Variants in SCAF1 observed in about 807,000 individuals in gnomAD.
The protein encoded by SCAF1 is SR-related CTD associated factor 1.
In SCAF1, 28 loss-of-function variants were observed where a neutral mutation model predicts 91.2. The ratio of observed to expected loss-of-function variants is 0.31; its 90% CI spans 0.23 to 0.42. SCAF1 has a LOEUF of 0.42. Among genes scored for constraint, SCAF1 ranks in the 10% least tolerant of loss-of-function variants. The pLI is 1.00. For synonymous variants in SCAF1, 1,036 were observed against 833.7 expected, an observed-to-expected ratio of 1.24 and a Z score of -4.18; for missense variants, 1,893 against 1,872.1, an observed-to-expected ratio of 1.01 and a Z score of -0.21.
Position 49,652,335 on chromosome 19 carries a change from C to G in SCAF1, c.1946C>G (p.Ser649Cys), listed in dbSNP as rs1244812160. The G allele has an allele frequency of 6.5e-7, 1 of 1,536,872 alleles. No homozygotes were observed. The highest frequency in any genetic ancestry group is 2.0e-5 in the Admixed American group (1 of 49,662). Reference sequence around the variant, plus strand: ...AAGAAGAAGAAGAAGCGGTCGCGGTCCCGGGGTGAGAAGCGGTCTGGGGAT... The same window carrying G: ...AAGAAGAAGAAGAAGCGGTCGCGGTGCCGGGGTGAGAAGCGGTCTGGGGAT... ...GSKKKKKRSR[S>C]RGEKRSGDGS... is the part of the protein sequence containing the mutation. Residue 649 changes from serine (S) to cysteine (C), a missense_variant, in exon 7 of 11, where the codon TCC becomes TGC. Around this residue, in one of 5 missense-constraint regions of SCAF1, gnomAD observed 1,436 missense variants for 1,306.8 expected, o/e 1.10. Coordinates refer to ENST00000360565, the MANE Select transcript of SCAF1 (RefSeq NM_021228.3).
chr19:49,647,712 A>C (rs575645267), intron 6 of SCAF1, among the ~76,000 whole-genome samples: 23 of 149,836 alleles, frequency 1.5e-4, no homozygotes, highest in African/African-American at 4.9e-4. Flanking sequence ...GCTCACTGCA[A>C]CCTCCACTTC....
chr19:49,646,193 C>T lies in SCAF1; in HGVS notation c.252C>T (p.Asp84=), dbSNP rs1214658409. Residue 84 remains aspartate (D), a synonymous_variant, in exon 4 of 11, where the codon GAC becomes GAT. Transcript: ENST00000360565. This position sits in a 1 kb window ranked among gnomAD's most constrained non-coding sequence, Gnocchi z 5.6. ...GTTCCCAGGAATCAGGGGGCACTGA[C>T]ACGGCTACTGTGAGTAAGAAGAGGG... ...EPRSQESGGT[D]TATVLDMATD... 13 of 1,606,928 alleles carry T rather than the reference C, an allele frequency of 8.1e-6. No homozygotes were observed. The highest frequency in any genetic ancestry group is 1.1e-5 in the Non-Finnish European group (13 of 1,179,330).
In SCAF1 at chr19:49,645,080, G is replaced by A. The variant is rs1568440093; in HGVS notation, c.54G>A (p.Arg18=). The part of the protein sequence containing the change: ...RGKTEESGED[R]GDGPPDRDPT... ...AGACAGAGGAGTCGGGGGAGGATCG[G>A]GGCGATGGTCCGCCAGACAGAGACC... The change falls in exon 2 of 11, where the codon CGG becomes CGA. Residue 18 remains arginine, a synonymous_variant. Coordinates refer to ENST00000360565, the MANE Select transcript of SCAF1 (RefSeq NM_021228.3). The surrounding 1 kb of genome is among the most constrained non-coding windows in gnomAD (Gnocchi z 4.6). The A allele has an allele frequency of 6.2e-7, 1 of 1,614,166 alleles. No homozygotes were observed. The highest frequency in any genetic ancestry group is 1.7e-5 in the Admixed American group (1 of 60,018).
Position 49,646,355 on chromosome 19 carries a change from T to A in SCAF1, c.261+153T>A. 1.2e-6 allele frequency: 1 copy of A among 862,260 alleles called. No homozygotes were observed. Among genetic ancestry groups the A allele is most frequent in the Non-Finnish European group, 1.8e-6 (1 of 558,322 alleles). The allele number at this position is 862,260 out of a possible 1,614,324, so 53.4% of individuals were successfully genotyped here. Reference sequence around the variant, plus strand: ...TGTTGGAGAGTCTGGGGGCCTGATCTGTGGGCCTGAGCTTTGAGTGTTGAT... The same window carrying A: ...TGTTGGAGAGTCTGGGGGCCTGATCAGTGGGCCTGAGCTTTGAGTGTTGAT... On this transcript the variant is annotated intron_variant, in intron 4 of 10. Transcript: ENST00000360565. The surrounding 1 kb of genome is among the most constrained non-coding windows in gnomAD (Gnocchi z 5.6).
In SCAF1 at chr19:49,652,795, G is replaced by A; in HGVS notation, c.2406G>A (p.Ala802=). 3 of 1,613,434 alleles carry A rather than the reference G, an allele frequency of 1.9e-6. No homozygotes were observed. Among genetic ancestry groups the A allele is most frequent in the Non-Finnish European group, 2.5e-6 (3 of 1,179,856 alleles). Residue 802 remains alanine (A), a synonymous_variant, in exon 7 of 11, where the codon GCG becomes GCA. Coordinates refer to ENST00000360565, the MANE Select transcript of SCAF1 (RefSeq NM_021228.3). ...SKKARPPKES[A]PSSGPPPKPP... is the part of the protein sequence containing the mutation. ...AGGCCCGGCCCCCCAAGGAGTCGGC[G>A]CCTTCCTCAGGGCCCCCGCCAAAGC...
At position 49,645,675 on chromosome 19, in the gene SCAF1, G is replaced by T. The variant is rs1022695568; in HGVS notation, c.166+264G>T. Among the ~76,000 whole-genome samples the T allele has an allele frequency of 1.3e-5, 2 of 152,190 alleles. No homozygotes were observed. The highest frequency in any genetic ancestry group is 1.3e-4 in the Admixed American group (2 of 15,282). On this transcript the variant is annotated intron_variant, in intron 3 of 10. Transcript: ENST00000360565. The surrounding 1 kb of genome is among the most constrained non-coding windows in gnomAD (Gnocchi z 4.6). ...GGTCAGGGCACCTTCCCCGAGCAGG[G>T]ACAGTGAACGGCTCTCTAAGGACCT...
rs981254011 is a variant in SCAF1, at chr19:49,653,266, G to T, written c.2877G>T (p.Ala959=). 21 of 1,481,672 alleles carry T rather than the reference G, an allele frequency of 1.4e-5. No homozygotes were observed. Among genetic ancestry groups the T allele is most frequent in the Non-Finnish European group, 1.9e-5 (21 of 1,114,622 alleles). The allele number at this position is 1,481,672 out of a possible 1,614,324, so 91.8% of individuals were successfully genotyped here. The change falls in exon 7 of 11, where the codon GCG becomes GCT. Residue 959 remains alanine (A), a synonymous_variant. Coordinates refer to ENST00000360565, the MANE Select transcript of SCAF1 (RefSeq NM_021228.3). ...SCSQAAGTKG[A]EETSWSGEER... ...GCCAGGCGGCAGGCACCAAGGGGGC[G>T]GAGGAGACTTCCTGGTCCGGGGAGG...
chr19:49,654,456 C>G, intron 8 of SCAF1, 25 bp downstream of exon 8: 1 of 1,602,216 alleles, frequency 6.2e-7, no homozygotes, highest in Non-Finnish European at 8.5e-7. Context: ...GGGAGAGTCC[C>G]TGCCGCCCCT....
intron 9 of SCAF1, 31 bp downstream of exon 9, chr19:49,654,901 G>A (rs2081129945): frequency 2.7e-6 from 4 of 1,493,062 alleles, no homozygotes; most frequent in Non-Finnish European, 1.8e-6. Context: ...GTGGGGCGGT[G>A]CTGACAGTTC....
In SCAF1 at chr19:49,657,907, G is replaced by C; in HGVS notation, c.3747+18G>C. 1 of 1,609,542 alleles carries C rather than the reference G, an allele frequency of 6.2e-7. No homozygotes were observed. Among genetic ancestry groups the C allele is most frequent in the South Asian group, 1.1e-5 (1 of 90,224 alleles). ...TCCACAAGGTGGGCACCCGGAGAGA[G>C]GGGCAGACACAGGCCGGGGAGAGAA... On this transcript the variant is annotated intron_variant, in intron 10 of 10. Transcript: ENST00000360565.
In SCAF1 at chr19:49,645,308, C is replaced by T; in HGVS notation, c.109-46C>T. On this transcript the variant is annotated intron_variant, in intron 2 of 10. Transcript: ENST00000360565. The surrounding 1 kb of genome is among the most constrained non-coding windows in gnomAD (Gnocchi z 4.6). The stretch of plus-strand genomic sequence containing the variant: ...CTCCCAAGGGGCAGAGGTTGCAAAG[C>T]ATCTGCCTGGGTCCTCTGACGCTTG... The T allele has an allele frequency of 6.2e-7, 1 of 1,606,418 alleles. No individual in the cohort carries two copies.
intron 1 of SCAF1, among the ~76,000 whole-genome samples, chr19:49,643,737 A>G (rs1288902759): frequency 2.0e-5 from 3 of 152,212 alleles, no homozygotes; most frequent in Non-Finnish European, 4.4e-5. Context: ...GAGGTGCTGG[A>G]GAGCAGTTCC....
rs965910099 is a variant in SCAF1 at position 49,651,013 on chromosome 19, TCCCCCA to T, written c.633_638del (p.Pro214_Pro215del). The T allele has an allele frequency of 4.3e-4, 61 of 143,284 alleles. No individual in the cohort carries two copies. The highest frequency in any genetic ancestry group is 2.3e-3 in the Middle Eastern group (1 of 444). 8.9% of individuals were successfully genotyped at this position (143,284 alleles called of 1,614,324 possible). ...CTCCCTCATCTTCCTCCCCTTCCCC[TCCCCCA>T]CCCCCACCGCCCCCTGCACCCCCAG... On this transcript the variant is annotated inframe_deletion, in exon 7 of 11. Transcript: ENST00000360565.
chr19:49,648,033 A>G (rs2081065172), intron 6 of SCAF1, among the ~76,000 whole-genome samples: 2 of 151,790 alleles, frequency 1.3e-5, no homozygotes, highest in South Asian at 2.1e-4. Context: ...CCCCGGTTCA[A>G]GTTATCCTGT....
rs2081051025 is a variant in SCAF1, at chr19:49,645,720, G to T, written c.166+309G>T. ...GGACCTAGAAGAGTCTAAGGACCTA[G>T]GATTAGAGGGAAGCCTGATCAGCTG... On this transcript the variant is annotated intron_variant, in intron 3 of 10. Transcript: ENST00000360565. The surrounding 1 kb of genome is among the most constrained non-coding windows in gnomAD (Gnocchi z 4.6). 6.6e-6 allele frequency among the ~76,000 whole-genome samples: 1 copy of T among 152,178 alleles called. No homozygotes were observed. Among genetic ancestry groups the T allele is most frequent in the Non-Finnish European group, 1.5e-5 (1 of 68,024 alleles).
chr19:49,645,052 G>A lies in SCAF1; in HGVS notation c.26G>A (p.Gly9Glu). 1.2e-6 allele frequency: 2 copies of A among 1,614,142 alleles called. No individual in the cohort carries two copies. The highest frequency in any genetic ancestry group is 1.7e-6 in the Non-Finnish European group (2 of 1,179,992). Residue 9 changes from glycine to glutamate, a missense_variant, in exon 2 of 11, where the codon GGG becomes GAG. By Grantham distance (98) the Gly-to-Glu change is moderately conservative. Around this residue, in one of 5 missense-constraint regions of SCAF1, gnomAD observed 270 missense variants for 292.5 expected, o/e 0.92. Transcript: ENST00000360565. The surrounding 1 kb of genome is among the most constrained non-coding windows in gnomAD (Gnocchi z 4.6). ...ATGGAGGAAGAAGATGAGTCTCGAGGGAAGACAGAGGAGTCGGGGGAGGAT... is the reference window on the plus strand; with the variant it reads ...ATGGAGGAAGAAGATGAGTCTCGAGAGAAGACAGAGGAGTCGGGGGAGGAT... MEEEDESR[G>E]KTEESGEDRG...
At position 49,650,992 on chromosome 19, in the gene SCAF1, CTCATCTTCCTCCCCTTCCCCT is replaced by C; in HGVS notation, c.604_624del (p.Ser202_Pro208del). On this transcript the variant is annotated inframe_deletion, in exon 7 of 11. Coordinates refer to ENST00000360565, the MANE Select transcript of SCAF1 (RefSeq NM_021228.3). ...CATCCTCCTCCCCTTCCCCTTCTCC[CTCATCTTCCTCCCCTTCCCCT>C]CCCCCACCCCCACCGCCCCCTGCAC... is the stretch of plus-strand genomic sequence containing the variant. 1 of 1,316,468 alleles carries C rather than the reference CTCATCTTCCTCCCCTTCCCCT, an allele frequency of 7.6e-7. No homozygotes were observed. The highest frequency in any genetic ancestry group is 1.0e-6 in the Non-Finnish European group (1 of 963,624). The allele number at this position is 1,316,468 out of a possible 1,614,324, so 81.5% of individuals were successfully genotyped here.
At chr19:49,650,809 G>T in intron 6 of SCAF1, 59 bp from the exon 7 acceptor site, 1 of 1,391,344 alleles carries the variant, frequency 7.2e-7, no homozygotes, top group Non-Finnish European at 9.9e-7. Flanking sequence ...GGGCCAGCAA[G>T]CAGGCACCAG....
At chr19:49,643,274 A>AC (rs2081037169) in intron 1 of SCAF1, among the ~76,000 whole-genome samples, 1 of 152,110 alleles carries the variant, frequency 6.6e-6, no homozygotes. Flanking sequence ...GGCCATGTTG[A>AC]CCGTGATCTG....
Sources: gnomAD v4.1 joint callset for allele counts (sites outside exome capture counted in the v4.1 genomes callset) on GRCh38, gnomAD v4.1.1 for gene constraint, gnomAD v4.1.1 regional missense constraint, Gnocchi (gnomAD v3.1) non-coding constraint, MANE v1.5 for transcripts, NCBI Gene and HGNC (gene_info 2026-07-23, HGNC 2026-07-21) for gene names.